The following TDRD9 variants were observed in gnomAD, a reference collection of about 807,000 sequenced individuals.
TDRD9 encodes the protein tudor domain containing 9.
A neutral mutation model predicts 172.6 loss-of-function variants in TDRD9; 124 were observed. The ratio of observed to expected loss-of-function variants is 0.72; its 90% CI spans 0.62 to 0.83. The LOEUF is 0.83. Among genes scored for constraint, TDRD9 ranks in the 40% least tolerant of loss-of-function variants. TDRD9 has a pLI of 0.00. For missense variants in TDRD9, 1,479 were observed against 1,714.1 expected, an observed-to-expected ratio of 0.86 and a Z score of 2.42; for synonymous variants, 619 against 617.1, an observed-to-expected ratio of 1.00 and a Z score of -0.05.
At chr14:103,933,871 A>G (rs538155528) in intron 1 of TDRD9, among the ~76,000 whole-genome samples, 8 of 152,384 alleles carry the variant, frequency 5.2e-5, no homozygotes, top group Middle Eastern at 6.8e-3. Flanking sequence ...TCCTAAGTCC[A>G]CATACCTATT....
At position 104,035,854 on chromosome 14, in the gene TDRD9, T is replaced by TG. The variant is rs556450374; in HGVS notation, c.3716+800dup. Among the ~76,000 whole-genome samples the TG allele has an allele frequency of 4.1e-3, 624 of 151,746 alleles. 7 individuals carry two copies. Among genetic ancestry groups the TG allele is most frequent in the African/African-American group, 0.014 (600 of 41,382 alleles). ...TTCTTTTCTAGTCAGCTGGTGAGCA[T>TG]GGAGGGGTGGTCCATAGACCTAGAG... On this transcript the variant is annotated intron_variant, in intron 32 of 35. Coordinates refer to ENST00000409874, the MANE Select transcript of TDRD9 (RefSeq NM_153046.3).
rs183636624 is a variant in TDRD9, at chr14:103,963,167, C to G, written c.411C>G (p.Tyr137Ter). 2 of 1,545,748 alleles carry G rather than the reference C, an allele frequency of 1.3e-6. No individual in the cohort carries two copies. The highest frequency in any genetic ancestry group is 1.4e-5 in the African/African-American group (1 of 72,920). Residue 137 changes from tyrosine to a stop codon, truncating the protein, a stop_gained, in exon 3 of 36, where the codon TAC becomes TAG. Transcript: ENST00000409874. LOFTEE classifies it high-confidence loss of function. ...YKYPDLPISR[Y>*]KEEVVSLIES... ...ATCCTGATTTGCCTATAAGTCGATA[C>G]AAGGAAGAGGTAAAATTGTTTTGTT...
intron 11 of TDRD9, 48 bp from the exon 12 acceptor site, chr14:103,995,702 G>T (rs369046386): frequency 2.0e-6 from 3 of 1,507,224 alleles, no homozygotes; most frequent in African/African-American, 2.8e-5. Context: ...GCCTAATGAT[G>T]TTCGGAATAT....
At chr14:103,934,984 G>C (rs2030658605) in intron 1 of TDRD9, among the ~76,000 whole-genome samples, 1 of 152,194 alleles carries the variant, frequency 6.6e-6, no homozygotes, top group Non-Finnish European at 1.5e-5. Flanking sequence ...GATGCTCCTT[G>C]AGGTAGGAGG....
intron 13 of TDRD9, among the ~76,000 whole-genome samples, chr14:104,002,953 T>G (rs2034311756): frequency 6.6e-6 from 1 of 152,040 alleles, no homozygotes; most frequent in Non-Finnish European, 1.5e-5. Context: ...ATGGTCTCCA[T>G]CTCTTTACCT....
intron 7 of TDRD9, among the ~76,000 whole-genome samples, chr14:103,977,258 G>A (rs1418774847): frequency 5.3e-5 from 8 of 152,040 alleles, no homozygotes; most frequent in Middle Eastern, 3.4e-3. Flanking sequence ...TTGGGAGGCC[G>A]AGGCCGGTGG....
At chr14:104,039,912 A>G (rs1426154055) in intron 32 of TDRD9, among the ~76,000 whole-genome samples, 1 of 152,240 alleles carries the variant, frequency 6.6e-6, no homozygotes, top group Non-Finnish European at 1.5e-5. Flanking sequence ...CCCATTCATG[A>G]TAAAATATTC....
At chr14:103,945,968 G>GT (rs71681370) in intron 1 of TDRD9, among the ~76,000 whole-genome samples, 52,492 of 147,606 alleles carry the variant, frequency 0.36, 9,226 homozygotes, top group Middle Eastern at 0.37. Flanking sequence ...ATATCTTTCT[G>GT]TTTTTTTTTT....
chr14:104,040,970 A>G (rs762117454), intron 33 of TDRD9, among the ~76,000 whole-genome samples: 12 of 152,240 alleles, frequency 7.9e-5, no homozygotes, highest in Non-Finnish European at 1.3e-4. Flanking sequence ...TTTTTATTGC[A>G]TTTTACAAAG....
intron 25 of TDRD9, among the ~76,000 whole-genome samples, chr14:104,025,257 C>T (rs1211780571): frequency 1.3e-5 from 2 of 152,236 alleles, no homozygotes; most frequent in Non-Finnish European, 2.9e-5. Context: ...GCTGGCATTA[C>T]AGGCGTGAGC....
intron 31 of TDRD9, 114 bp downstream of exon 31, chr14:104,034,183 CTTTTTTTTTCTTT>C (rs750748521): frequency 2.8e-5 from 6 of 218,046 alleles, no homozygotes; most frequent in East Asian, 2.5e-4. Flanking sequence ...ATGTACTATT[CTTTTTTTTTCTTT>C]TTTTTTTTTT....
Position 103,991,538 on chromosome 14 carries a change from G to A in TDRD9, c.1180+314G>A, listed in dbSNP as rs150799188. Among the ~76,000 whole-genome samples the A allele has an allele frequency of 3.6e-3, 539 of 150,212 alleles. 6 individuals carry two copies. The highest frequency in any genetic ancestry group is 0.013 in the African/African-American group (519 of 40,848). On this transcript the variant is annotated intron_variant, in intron 9 of 35. Coordinates refer to ENST00000409874, the MANE Select transcript of TDRD9 (RefSeq NM_153046.3). The stretch of plus-strand genomic sequence containing the variant: ...AGTGATTCTCCTGCCTCAGCTTCCC[G>A]AGTAGCTGGGACTACAGGTGCACGC...
At position 103,970,535 on chromosome 14, in the gene TDRD9, T is replaced by C; in HGVS notation, c.766-6T>C. On this transcript the variant is annotated splice_region_variant and splice_polypyrimidine_tract_variant and intron_variant, in intron 5 of 35. Transcript: ENST00000409874. The stretch of plus-strand genomic sequence containing the variant: ...TGTGGGGGGTGCCCCCTTTTTTATT[T>C]TGTAGGTACACGAACGAACAGAAGA... 6.4e-7 allele frequency: 1 copy of C among 1,551,158 alleles called. No homozygotes were observed. Among genetic ancestry groups the C allele is most frequent in the Non-Finnish European group, 8.7e-7 (1 of 1,146,530 alleles).
intron 20 of TDRD9, among the ~76,000 whole-genome samples, chr14:104,013,039 C>T (rs2034664066): frequency 6.6e-6 from 1 of 152,214 alleles, no homozygotes; most frequent in Non-Finnish European, 1.5e-5. Context: ...CTCAGGGGTA[C>T]AGAGGCGAGC....
intron 6 of TDRD9, among the ~76,000 whole-genome samples, chr14:103,971,202 C>G (rs1220420258): frequency 1.3e-5 from 2 of 151,644 alleles, no homozygotes; most frequent in Non-Finnish European, 2.9e-5. Flanking sequence ...CCAGGATGGT[C>G]TTGATCTCCT....
At chr14:104,049,120 A>ATGTATGTATG (rs1555377358) in intron 34 of TDRD9, among the ~76,000 whole-genome samples, 26 of 101,980 alleles carry the variant, frequency 2.5e-4, no homozygotes, top group South Asian at 7.0e-4. Context: ...GTATGTATGT[A>ATGTATGTATG]TGTGTGTGTG....
chr14:104,006,284 T>G, intron 15 of TDRD9, 105 bp from the exon 16 acceptor site: 3 of 874,982 alleles, frequency 3.4e-6, no homozygotes, highest in Non-Finnish European at 5.3e-6. Context: ...AGAATGTTAT[T>G]CACCAAAATT....
At chr14:104,002,329 A>G (rs373624787) in intron 13 of TDRD9, among the ~76,000 whole-genome samples, 2 of 59,172 alleles carry the variant, frequency 3.4e-5, no homozygotes, top group African/African-American at 7.3e-5. Context: ...AAAAAAAAAA[A>G]AAAAAAAAGA....
At position 103,997,585 on chromosome 14, in the gene TDRD9, G is replaced by A. The variant is rs1206586335; in HGVS notation, c.1379-1039G>A. 6.6e-6 allele frequency among the ~76,000 whole-genome samples: 1 copy of A among 152,244 alleles called. No homozygotes were observed. The highest frequency in any genetic ancestry group is 1.9e-4 in the East Asian group (1 of 5,200). ...ACCAGGGCCAGGGAGCAGCTGGCGGGGGCGTCAGCCCGTGACTGGCGTTGG... is the reference window on the plus strand; with the variant it reads ...ACCAGGGCCAGGGAGCAGCTGGCGGAGGCGTCAGCCCGTGACTGGCGTTGG... On this transcript the variant is annotated intron_variant, in intron 12 of 35. Transcript: ENST00000409874. The surrounding 1 kb of genome is among the most constrained non-coding windows in gnomAD (Gnocchi z 5.1).
Sources: gnomAD v4.1 joint callset for allele counts (sites outside exome capture counted in the v4.1 genomes callset) on GRCh38, gnomAD v4.1.1 for gene constraint, Gnocchi (gnomAD v3.1) non-coding constraint, MANE v1.5 for transcripts, NCBI Gene and HGNC (gene_info 2026-07-23, HGNC 2026-07-21) for gene names.